SCN2B: variants seen among roughly 807,000 people sequenced by gnomAD.
SCN2B encodes sodium channel regulatory subunit beta-2.
Under a neutral mutation model 18.2 loss-of-function variants are expected in SCN2B, and 14 were observed. The ratio of observed to expected loss-of-function variants is 0.77; its 90% CI spans 0.51 to 1.21. The LOEUF (loss-of-function observed/expected upper bound fraction) is 1.21. SCN2B is among the 50% of genes most tolerant of loss of function. SCN2B has a pLI of 0.00. For missense variants in SCN2B, 262 were observed against 286.9 expected (o/e 0.91, Z 0.63); for synonymous variants, 115 against 115.3 (o/e 1.00, Z 0.02).
chr11:118,168,058 C>A lies in SCN2B; in HGVS notation c.448+27G>T. The A allele has an allele frequency of 6.3e-7, 1 of 1,595,534 alleles. No homozygotes were observed. The highest frequency in any genetic ancestry group is 2.3e-5 in the East Asian group (1 of 44,358). ...AGTAGGTGGGTGGGAAAGGTCAGGG[C>A]CCCGCAGCTGGCACCCCAGCCTTCA... On this transcript the variant is annotated intron_variant, in intron 3 of 3. Transcript: ENST00000278947. This position sits in a 1 kb window ranked among gnomAD's most constrained non-coding sequence, Gnocchi z 4.7.
At chr11:118,167,510 T>C (rs897658123) in intron 3 of SCN2B, among the ~76,000 whole-genome samples, 2 of 152,206 alleles carry the variant, frequency 1.3e-5, no homozygotes, top group African/African-American at 2.4e-5. Context: ...GACTGAGACA[T>C]AGAGGTGCCC....
chr11:118,174,106 T>TTG (rs1591446795), intron 1 of SCN2B, among the ~76,000 whole-genome samples: 2 of 128,898 alleles, frequency 1.6e-5, no homozygotes, highest in African/African-American at 6.4e-5. Flanking sequence ...TTTTTTTTTT[T>TTG]TTTTTTTTTT....
chr11:118,175,957 G>A (rs1402894670), intron 1 of SCN2B, among the ~76,000 whole-genome samples: 1 of 152,126 alleles, frequency 6.6e-6, no homozygotes, highest in Non-Finnish European at 1.5e-5. Flanking sequence ...AAATCCACCA[G>A]GATCAAGCTT....
At chr11:118,172,769 T>A (rs962619454) in intron 1 of SCN2B, among the ~76,000 whole-genome samples, 2 of 152,188 alleles carry the variant, frequency 1.3e-5, no homozygotes, top group African/African-American at 4.8e-5. Context: ...AACTAGCCCA[T>A]CTTGCAGAGA....
Position 118,176,556 on chromosome 11 carries a change from C to T in SCN2B, c.-125G>A. Reference sequence around the variant, plus strand: ...CACGGATGTACTTCAAAGACATATACAACATTAAGGAAGCTTTATTTCCAT... The same window carrying T: ...CACGGATGTACTTCAAAGACATATATAACATTAAGGAAGCTTTATTTCCAT... On this transcript the variant is annotated 5_prime_UTR_variant, in exon 1 of 4. Transcript: ENST00000278947. The T allele has an allele frequency of 5.6e-6, 4 of 717,910 alleles. No individual in the cohort carries two copies. The South Asian group carries it at 6.3e-5, about 11-fold the overall frequency. The allele number at this position is 717,910 out of a possible 1,614,324, so 44.5% of individuals were successfully genotyped here.
In SCN2B at chr11:118,171,539, A is replaced by G. The variant is rs571558034; in HGVS notation, c.71-2788T>C. Among the ~76,000 whole-genome samples, 33 of 152,336 alleles carry G rather than the reference A, an allele frequency of 2.2e-4. 1 individual carries two copies. The South Asian group carries it at 6.8e-3, about 32-fold the overall frequency. On this transcript the variant is annotated intron_variant, in intron 1 of 3. Coordinates refer to ENST00000278947, the MANE Select transcript of SCN2B (RefSeq NM_004588.5). ...TTCCCAGGGGCTCCCCAGACCAAAA[A>G]GTCTGCGTTCTGCGAAGCCCGGCGG...
Position 118,168,253 on chromosome 11 carries a change from G to A in SCN2B, c.280C>T (p.Arg94Trp), listed in dbSNP as rs760016611. Residue 94 changes from arginine (R) to tryptophan (W), a missense_variant, in exon 3 of 4, where the codon CGG becomes TGG. By Grantham distance (101) the Arg-to-Trp change is moderately radical. Transcript: ENST00000278947. This position sits in a 1 kb window ranked among gnomAD's most constrained non-coding sequence, Gnocchi z 4.7. Reference sequence around the variant, plus strand: ...GAGAACTCCACGCGGTCTTGAAACCGCTCCAGCTTCAGGTTAATGATCTTC... The same window carrying A: ...GAGAACTCCACGCGGTCTTGAAACCACTCCAGCTTCAGGTTAATGATCTTC... ...RMKIINLKLE[R>W]FQDRVEFSGN... is the part of the protein sequence containing the mutation. 15 of 1,614,092 alleles carry A rather than the reference G, an allele frequency of 9.3e-6. No individual in the cohort carries two copies. The highest frequency in any genetic ancestry group is 6.6e-5 in the South Asian group (6 of 91,076).
At position 118,172,277 on chromosome 11, in the gene SCN2B, C is replaced by T. The variant is rs571082576; in HGVS notation, c.71-3526G>A. ...TGTCTACATACTCTACATACATCAC[C>T]TCATTTAATACTAACAAAACCTGTT... is the stretch of plus-strand genomic sequence containing the variant. On this transcript the variant is annotated intron_variant, in intron 1 of 3. Coordinates refer to ENST00000278947, the MANE Select transcript of SCN2B (RefSeq NM_004588.5). Among the ~76,000 whole-genome samples the T allele has an allele frequency of 3.9e-5, 6 of 152,372 alleles. No individual in the cohort carries two copies. The South Asian group carries it at 1.2e-3, about 32-fold the overall frequency.
In SCN2B at chr11:118,162,888, G is replaced by A. The variant is rs1470743962; in HGVS notation, c.*3999C>T. ...AAAGAAACTCAGTCTGCTCCCAAAA[G>A]CAGATACATCCCAGCAGTCGAGTCA... On this transcript the variant is annotated 3_prime_UTR_variant, in exon 4 of 4. Transcript: ENST00000278947. 6.6e-6 allele frequency: 1 copy of A among 152,416 alleles called. No individual in the cohort carries two copies. The highest frequency in any genetic ancestry group is 1.5e-5 in the Non-Finnish European group (1 of 68,052). The allele number at this position is 152,416 out of a possible 1,614,324, so 9.4% of individuals were successfully genotyped here. A position where few individuals can be genotyped will look rare whatever the true frequency, so the allele number is the denominator to read the frequency against.
In SCN2B at chr11:118,166,757, T is replaced by G; in HGVS notation, c.*130A>C. On this transcript the variant is annotated 3_prime_UTR_variant, in exon 4 of 4. Coordinates refer to ENST00000278947, the MANE Select transcript of SCN2B (RefSeq NM_004588.5). The stretch of plus-strand genomic sequence containing the variant: ...GGGTGGGAGATACGAAGTCGGGGGT[T>G]CAGGAGGCCCCAGGTGGGCCCTGGG... The G allele has an allele frequency of 9.5e-7, 1 of 1,056,088 alleles. No individual in the cohort carries two copies. Among genetic ancestry groups the G allele is most frequent in the South Asian group, 1.3e-5 (1 of 77,242 alleles). 65.4% of individuals were successfully genotyped at this position (1,056,088 alleles called of 1,614,324 possible).
At position 118,165,248 on chromosome 11, in the gene SCN2B, AG is replaced by A. The variant is rs1457194022; in HGVS notation, c.*1638del. ...CTCTGTTGCTTCAAACTGGAGACTG[AG>A]GAGCCAGAGAAGAGGGCAGGACCCT... On this transcript the variant is annotated 3_prime_UTR_variant, in exon 4 of 4. Transcript: ENST00000278947. 6.6e-6 allele frequency: 1 copy of A among 152,630 alleles called. No individual in the cohort carries two copies. Among genetic ancestry groups the A allele is most frequent in the Non-Finnish European group, 1.5e-5 (1 of 68,046 alleles). 9.5% of individuals were successfully genotyped at this position (152,630 alleles called of 1,614,324 possible).
intron 3 of SCN2B, among the ~76,000 whole-genome samples, 173 bp from the exon 4 acceptor site, chr11:118,167,259 A>G (rs1006078699): frequency 6.6e-6 from 1 of 152,162 alleles, no homozygotes; most frequent in Non-Finnish European, 1.5e-5. Context: ...GCCACCTCCA[A>G]ATCCCAGGAC....
At chr11:118,170,467 C>A (rs915915470) in intron 1 of SCN2B, among the ~76,000 whole-genome samples, 5 of 152,094 alleles carry the variant, frequency 3.3e-5, no homozygotes, top group Non-Finnish European at 7.4e-5. Context: ...CATGGTGAGA[C>A]CTGAGGTCCA....
chr11:118,169,546 A>G (rs1486934622), intron 1 of SCN2B, among the ~76,000 whole-genome samples: 2 of 151,980 alleles, frequency 1.3e-5, no homozygotes, highest in African/African-American at 4.8e-5. Flanking sequence ...CCAGCCCCCT[A>G]CCTTCCTCAG....
intron 1 of SCN2B, among the ~76,000 whole-genome samples, chr11:118,173,578 T>G (rs971937175): frequency 2.0e-5 from 3 of 152,226 alleles, no homozygotes; most frequent in Non-Finnish European, 4.4e-5. Context: ...TTAAATGACT[T>G]ACTACCTGTA....
chr11:118,165,140 G>C lies in SCN2B; in HGVS notation c.*1747C>G, dbSNP rs899651062. 15 of 152,546 alleles carry C rather than the reference G, an allele frequency of 9.8e-5. No individual in the cohort carries two copies. Among genetic ancestry groups the C allele is most frequent in the African/African-American group, 3.4e-4 (14 of 41,444 alleles). 9.4% of individuals were successfully genotyped at this position (152,546 alleles called of 1,614,324 possible). On this transcript the variant is annotated 3_prime_UTR_variant, in exon 4 of 4. Coordinates refer to ENST00000278947, the MANE Select transcript of SCN2B (RefSeq NM_004588.5). ...CAGAGGGGCTGGGCTCCTGGGAGGG[G>C]GCAGGGCTAGAGAAGCCCACCCCTC...
chr11:118,169,291 C>T (rs1306140546), intron 1 of SCN2B, among the ~76,000 whole-genome samples: 1 of 152,234 alleles, frequency 6.6e-6, no homozygotes, highest in Non-Finnish European at 1.5e-5. Flanking sequence ...CCCCACCACA[C>T]TTGCCCCAGT....
chr11:118,166,581 A>C lies in SCN2B; in HGVS notation c.*306T>G. 4.5e-6 allele frequency: 2 copies of C among 443,118 alleles called. No homozygotes were observed. Among genetic ancestry groups the C allele is most frequent in the East Asian group, 4.6e-5 (1 of 21,920 alleles). 27.4% of individuals were successfully genotyped at this position (443,118 alleles called of 1,614,324 possible). On this transcript the variant is annotated 3_prime_UTR_variant, in exon 4 of 4. Transcript: ENST00000278947. Reference sequence around the variant, plus strand: ...CCCCCTCCTCTACCCCTGCCCACCCACTCCCTTCTCTCTGGGGACCCTCAC... The same window carrying C: ...CCCCCTCCTCTACCCCTGCCCACCCCCTCCCTTCTCTCTGGGGACCCTCAC...
In SCN2B at chr11:118,176,520, A is replaced by T. The variant is rs1366911366; in HGVS notation, c.-89T>A. 7.9e-6 allele frequency: 6 copies of T among 757,208 alleles called. No individual in the cohort carries two copies. Among genetic ancestry groups the T allele is most frequent in the South Asian group, 4.9e-5 (3 of 61,478 alleles). The allele number at this position is 757,208 out of a possible 1,614,324, so 46.9% of individuals were successfully genotyped here. ...TACAAGGGAGGAATGGTTGGATGCT[A>T]AAAAAAAATGCACGGATGTACTTCA... is the stretch of plus-strand genomic sequence containing the variant. On this transcript the variant is annotated 5_prime_UTR_variant, in exon 1 of 4. Coordinates refer to ENST00000278947, the MANE Select transcript of SCN2B (RefSeq NM_004588.5).
Sources: allele counts gnomAD v4.1 joint callset (sites outside exome capture counted in the v4.1 genomes callset), GRCh38; gene constraint gnomAD v4.1.1; non-coding constraint Gnocchi (gnomAD v3.1); transcripts MANE v1.5; gene names NCBI Gene and HGNC (gene_info 2026-07-23, HGNC 2026-07-21).